Variants in KANK2 observed in about 807,000 individuals in gnomAD.
KANK2 encodes KN motif and ankyrin repeat domain-containing protein 2.
KANK2 carries 41 observed loss-of-function variants against 74.6 expected under a neutral mutation model. That is an observed-to-expected ratio of 0.55 (90% CI 0.43 to 0.71). KANK2 has a LOEUF of 0.71. Ranked by LOEUF, KANK2 falls within the 30% of genes least tolerant of loss-of-function variation. The probability of loss-of-function intolerance (pLI) is 0.00; values close to 1 mark genes in which losing one functional copy is unlikely to be tolerated. For synonymous variants in KANK2, 537 were observed against 519.0 expected (o/e 1.03, Z -0.47); for missense variants, 1,148 against 1,196.4 (o/e 0.96, Z 0.60).
chr19:11,188,468 G>T (rs990076037), intron 4 of KANK2, among the ~76,000 whole-genome samples: 6 of 149,630 alleles, frequency 4.0e-5, no homozygotes, highest in African/African-American at 1.2e-4. Flanking sequence ...GCCTCCCAAA[G>T]TTCTGGGATT....
chr19:11,181,148 A>G (rs541969835), intron 4 of KANK2, among the ~76,000 whole-genome samples: 2 of 151,062 alleles, frequency 1.3e-5, no homozygotes, highest in South Asian at 4.2e-4. Flanking sequence ...AGGTGGAGCA[A>G]TATTATGCTA....
chr19:11,191,482 C>G (rs531918414), intron 4 of KANK2, among the ~76,000 whole-genome samples: 2 of 152,358 alleles, frequency 1.3e-5, no homozygotes, highest in South Asian at 4.1e-4. Flanking sequence ...CTTCCTCCCT[C>G]AAAGGCCACA....
chr19:11,167,049 G>A (rs1416320730), intron 12 of KANK2, among the ~76,000 whole-genome samples: 1 of 152,108 alleles, frequency 6.6e-6, no homozygotes, highest in Non-Finnish European at 1.5e-5. Flanking sequence ...GGTGGGCTTT[G>A]GAGAGGACCC....
At chr19:11,190,310 T>C (rs981280378) in intron 4 of KANK2, among the ~76,000 whole-genome samples, 2 of 152,076 alleles carry the variant, frequency 1.3e-5, no homozygotes, top group African/African-American at 4.8e-5. Flanking sequence ...GTATTTTTAG[T>C]AGTGACAGGG....
Position 11,169,941 on chromosome 19 carries a change from G to A in KANK2, c.2438C>T (p.Ala813Val). Reference protein sequence around the residue: ...DRDGSTALMVALDAGQSEIAS... With the variant: ...DRDGSTALMVVLDAGQSEIAS... ...AATCTCACTCTGCCCTGCGTCCAAG[G>A]CCACCATCAGAGCTGTGCTCCCATC... Residue 813 changes from alanine to valine, a missense_variant, in exon 12 of 13, where the codon GCC becomes GTC. Ala to Val is a moderately conservative substitution (Grantham distance 64). Transcript: ENST00000586659. The A allele has an allele frequency of 6.2e-7, 1 of 1,614,172 alleles. No individual in the cohort carries two copies. Among genetic ancestry groups the A allele is most frequent in the Middle Eastern group, 1.6e-4 (1 of 6,062 alleles).
chr19:11,188,678 CTTCA>C (rs2078748301), intron 4 of KANK2, among the ~76,000 whole-genome samples: 1 of 151,800 alleles, frequency 6.6e-6, no homozygotes, highest in South Asian at 2.1e-4. Context: ...TCTTTCATGT[CTTCA>C]TTCAAAGATG....
At chr19:11,177,053 T>A (rs2078362752) in intron 6 of KANK2, among the ~76,000 whole-genome samples, 1 of 151,250 alleles carries the variant, frequency 6.6e-6, no homozygotes, top group South Asian at 2.1e-4. Flanking sequence ...GCACTGCTTT[T>A]CACCTCCTGC....
Position 11,193,588 on chromosome 19 carries a change from C to T in KANK2, c.492G>A (p.Leu164=), listed in dbSNP as rs568658649. The change falls in exon 4 of 13, where the codon TTG becomes TTA. Residue 164 remains leucine (L), a synonymous_variant. Coordinates refer to ENST00000586659, the MANE Select transcript of KANK2 (RefSeq NM_001136191.3). This position sits in a 1 kb window ranked among gnomAD's most constrained non-coding sequence, Gnocchi z 9.6. ...CTGAACTCCGTGGTGTCGGGGGTGG[C>T]AACCCCACGCCCACCAGGGAGGCTG... The part of the protein sequence containing the change: ...GSTASLVGVG[L]PPPTPRSSGL... 1.1e-5 allele frequency: 18 copies of T among 1,584,860 alleles called. No individual in the cohort carries two copies. In the South Asian group the frequency reaches 1.8e-4, roughly 16 times the overall value.
chr19:11,181,140 G>A (rs980876573), intron 4 of KANK2, among the ~76,000 whole-genome samples: 1 of 148,856 alleles, frequency 6.7e-6, no homozygotes, highest in Non-Finnish European at 1.5e-5. Flanking sequence ...AAAAAATGAG[G>A]TGGAGCAATA....
chr19:11,193,868 C>T lies in KANK2; in HGVS notation c.212G>A (p.Ser71Asn). ...GGAGCCAGGGCCACGGGGCAGCGAG[C>T]TCAGGCGGGGGCGGCGCTGCACTGC... is the stretch of plus-strand genomic sequence containing the variant. ...RVAVQRRPRLSSLPRGPGSWW... is the reference protein window; with the variant it reads ...RVAVQRRPRLNSLPRGPGSWW... Residue 71 changes from serine to asparagine, a missense_variant, in exon 4 of 13, where the codon AGC (serine) becomes AAC (asparagine). Coordinates refer to ENST00000586659, the MANE Select transcript of KANK2 (RefSeq NM_001136191.3). The surrounding 1 kb of genome is among the most constrained non-coding windows in gnomAD (Gnocchi z 9.6). 1 of 1,613,204 alleles carries T rather than the reference C, an allele frequency of 6.2e-7. No homozygotes were observed. The highest frequency in any genetic ancestry group is 8.5e-7 in the Non-Finnish European group (1 of 1,179,756).
chr19:11,190,479 TCCTC>T (rs1437017702), intron 4 of KANK2, among the ~76,000 whole-genome samples: 1 of 152,076 alleles, frequency 6.6e-6, no homozygotes, highest in Non-Finnish European at 1.5e-5. Context: ...CAAATGAATC[TCCTC>T]CCTAAGCCTC....
intron 4 of KANK2, among the ~76,000 whole-genome samples, chr19:11,187,037 C>G (rs1172312666): frequency 6.6e-6 from 1 of 152,032 alleles, no homozygotes; most frequent in Non-Finnish European, 1.5e-5. Flanking sequence ...GCGGACAGAT[C>G]ATGAGGTCAG....
In KANK2 at chr19:11,193,175, TCCTGCAGCG is replaced by T; in HGVS notation, c.896_904del (p.Ala299_Gln301del). ...CTGCCGGGCCTGAGCTGCCTGCAGC[TCCTGCAGCG>T]CCTTCTTGAGCTGGGTCTCCAGCAC... On this transcript the variant is annotated inframe_deletion, in exon 4 of 13. Coordinates refer to ENST00000586659, the MANE Select transcript of KANK2 (RefSeq NM_001136191.3). The surrounding 1 kb of genome is among the most constrained non-coding windows in gnomAD (Gnocchi z 9.6). 1 of 1,610,390 alleles carries T rather than the reference TCCTGCAGCG, an allele frequency of 6.2e-7. No individual in the cohort carries two copies. Among genetic ancestry groups the T allele is most frequent in the East Asian group, 2.2e-5 (1 of 44,844 alleles).
At chr19:11,173,207 T>A in intron 9 of KANK2, 84 bp from the exon 10 acceptor site, 1 of 1,466,070 alleles carries the variant, frequency 6.8e-7, no homozygotes, top group Non-Finnish European at 9.3e-7. Flanking sequence ...GTCTCGTCCA[T>A]CAGTCTAGGC....
rs2078348043 is a variant in KANK2, at chr19:11,176,693, G to A, written c.1645C>T (p.Pro549Ser). ...GTCTTGGCCGCTGCCGTCCCTGCAG[G>A]CCTGAGCTGGGGGGCTTCGGCCACA... ...PSVAEAPQLR[P>S]AGTAAAKTSR... The change falls in exon 7 of 13, where the codon CCT becomes TCT. Residue 549 changes from proline (P) to serine (S), a missense_variant. By Grantham distance (74) the Pro-to-Ser change is moderately conservative. Transcript: ENST00000586659. 1.9e-6 allele frequency: 3 copies of A among 1,613,256 alleles called. No individual in the cohort carries two copies. The highest frequency in any genetic ancestry group is 1.3e-5 in the African/African-American group (1 of 74,910).
intron 4 of KANK2, among the ~76,000 whole-genome samples, chr19:11,179,802 CCA>C (rs1450732018): frequency 1.3e-5 from 2 of 152,198 alleles, no homozygotes; most frequent in African/African-American, 4.8e-5. Context: ...GAATAAAAGT[CCA>C]GTTTCCTTTT....
rs1210866065 is a variant in KANK2 at position 11,192,907 on chromosome 19, C to A, written c.1173G>T (p.Val391=). The A allele has an allele frequency of 1.2e-6, 2 of 1,614,048 alleles. No homozygotes were observed. Among genetic ancestry groups the A allele is most frequent in the South Asian group, 2.2e-5 (2 of 91,082 alleles). The change falls in exon 4 of 13, where the codon GTG becomes GTT. Residue 391 remains valine (V), a synonymous_variant. Coordinates refer to ENST00000586659, the MANE Select transcript of KANK2 (RefSeq NM_001136191.3). ...GGACGTTGCTGGTAGCTGCAGCGGG[C>A]ACTGGGCACATTGTCTCCACCACCT... ...SQEVVETMCP[V]PAAATSNVHM... is the part of the protein sequence containing the mutation.
intron 4 of KANK2, among the ~76,000 whole-genome samples, chr19:11,189,603 CAAAAAAAAAAAAAAAA>C (rs56203270): frequency 4.6e-4 from 20 of 43,130 alleles, no homozygotes; most frequent in African/African-American, 1.5e-3. Context: ...GACTCTGTCT[CAAAAAAAAAAAAAAAA>C]AAAAAAAAAA....
In KANK2 at chr19:11,165,370, T is replaced by C. The variant is rs1012495218; in HGVS notation, c.*1188A>G. ...AAGCGCATGCCCTGTTTTCTTTCCT[T>C]TGAGGAGAGAAATTCTGGAGTCCCG... is the stretch of plus-strand genomic sequence containing the variant. On this transcript the variant is annotated 3_prime_UTR_variant, in exon 13 of 13. Coordinates refer to ENST00000586659, the MANE Select transcript of KANK2 (RefSeq NM_001136191.3). The C allele has an allele frequency of 6.6e-6, 1 of 152,098 alleles. No individual in the cohort carries two copies. The highest frequency in any genetic ancestry group is 1.5e-5 in the Non-Finnish European group (1 of 68,034). 9.4% of individuals were successfully genotyped at this position (152,098 alleles called of 1,614,324 possible). A position where few individuals can be genotyped will look rare whatever the true frequency, so the allele number is the denominator to read the frequency against.
Sources: allele counts gnomAD v4.1 joint callset (sites outside exome capture counted in the v4.1 genomes callset), GRCh38; gene constraint gnomAD v4.1.1; non-coding constraint Gnocchi (gnomAD v3.1); transcripts MANE v1.5; gene names NCBI Gene and HGNC (gene_info 2026-07-23, HGNC 2026-07-21).